LONP2: variants seen among roughly 807,000 people sequenced by gnomAD.
LONP2 encodes the protein lon peptidase 2, peroxisomal, also known as lon protease homolog 2, peroxisomal.
A neutral mutation model predicts 85.6 loss-of-function variants in LONP2; 60 were observed. The observed-to-expected ratio is 0.70, with a 90% CI of 0.57 to 0.87. LONP2 has a LOEUF of 0.87. Among genes scored for constraint, LONP2 ranks in the 40% least tolerant of loss-of-function variants. LONP2 has a pLI of 0.00. For synonymous variants in LONP2, 395 were observed against 389.7 expected (o/e 1.01, Z -0.16); for missense variants, 860 against 1,063.5 (o/e 0.81, Z 2.66).
intron 6 of LONP2, 94 bp from the exon 7 acceptor site, chr16:48,269,922 C>CA (rs1257640364): frequency 5.6e-5 from 73 of 1,307,604 alleles, no homozygotes; most frequent in Middle Eastern, 2.1e-4. Context: ...CATCTATTTT[C>CA]AAAAAAAATA....
At chr16:48,259,960 T>C (rs1288254551) in intron 4 of LONP2, among the ~76,000 whole-genome samples, 1 of 152,184 alleles carries the variant, frequency 6.6e-6, no homozygotes, top group Non-Finnish European at 1.5e-5. Context: ...ATTTAAAAAG[T>C]AGGAATTAGG....
chr16:48,285,154 G>A (rs998614686), intron 8 of LONP2, among the ~76,000 whole-genome samples: 1 of 151,508 alleles, frequency 6.6e-6, no homozygotes, highest in African/African-American at 2.4e-5. Context: ...CAGCCCTTTC[G>A]CATGTCCTCT....
chr16:48,258,798 A>C, intron 4 of LONP2, 58 bp downstream of exon 4: 1 of 1,477,928 alleles, frequency 6.8e-7, no homozygotes, highest in Non-Finnish European at 9.0e-7. Flanking sequence ...GAATAAAGAG[A>C]GGAACAAAGA....
intron 12 of LONP2, among the ~76,000 whole-genome samples, chr16:48,343,060 G>A (rs1414583464): frequency 6.6e-6 from 1 of 152,184 alleles, no homozygotes; most frequent in Non-Finnish European, 1.5e-5. Flanking sequence ...TCCAAACAGG[G>A]AGGGACGCTT....
intron 11 of LONP2, 28 bp downstream of exon 11, chr16:48,303,333 G>T (rs758576817): frequency 1.9e-6 from 3 of 1,608,076 alleles, no homozygotes; most frequent in Admixed American, 1.7e-5. Flanking sequence ...GGCATTCTCA[G>T]GCCTGGTGGC....
chr16:48,250,546 A>C (rs933633851), intron 1 of LONP2, among the ~76,000 whole-genome samples: 4 of 152,130 alleles, frequency 2.6e-5, no homozygotes, highest in African/African-American at 9.7e-5. Context: ...ACATAGCCCA[A>C]ATAATTAAAT....
intron 6 of LONP2, 130 bp from the exon 7 acceptor site, chr16:48,269,886 A>G (rs1972066300): frequency 6.4e-6 from 6 of 935,744 alleles, no homozygotes; most frequent in Admixed American, 3.0e-5. Flanking sequence ...ATCCTCATCT[A>G]GAAAGATCCA....
intron 11 of LONP2, among the ~76,000 whole-genome samples, chr16:48,315,822 AT>A (rs149899096): frequency 1.7e-4 from 24 of 141,204 alleles, no homozygotes; most frequent in South Asian, 4.5e-4. Flanking sequence ...CCTCCTTTCT[AT>A]TTTTTTTTTG....
chr16:48,330,930 T>C (rs1210150303), intron 11 of LONP2, among the ~76,000 whole-genome samples: 2 of 152,174 alleles, frequency 1.3e-5, no homozygotes, highest in Admixed American at 1.3e-4. Flanking sequence ...CTGAACCCCG[T>C]ACTACACTTG....
chr16:48,279,668 G>C (rs1316254410), intron 8 of LONP2, among the ~76,000 whole-genome samples: 1 of 152,094 alleles, frequency 6.6e-6, no homozygotes, highest in African/African-American at 2.4e-5. Context: ...TGGGGGAGGG[G>C]ATCTGGGATC....
intron 11 of LONP2, among the ~76,000 whole-genome samples, chr16:48,312,876 G>A (rs981809869): frequency 1.3e-5 from 2 of 152,162 alleles, no homozygotes; most frequent in East Asian, 1.9e-4. Flanking sequence ...GAGCTGGGCC[G>A]TGAAACTCTC....
Position 48,244,318 on chromosome 16 carries a change from C to T in LONP2, c.-71C>T, listed in dbSNP as rs1971202474. On this transcript the variant is annotated 5_prime_UTR_variant, in exon 1 of 15. Coordinates refer to ENST00000285737, the MANE Select transcript of LONP2 (RefSeq NM_031490.5). ...TGGAGGCGGGTCTGAGGTTTGGTGA[C>T]TGCGGGGCAGGCCGGGGGCAGCTGT... 4.2e-6 allele frequency: 5 copies of T among 1,204,228 alleles called. No individual in the cohort carries two copies. Among genetic ancestry groups the T allele is most frequent in the East Asian group, 3.0e-5 (1 of 32,988 alleles). 74.6% of individuals were successfully genotyped at this position (1,204,228 alleles called of 1,614,324 possible). A position where few individuals can be genotyped will look rare whatever the true frequency, so the allele number is the denominator to read the frequency against.
At chr16:48,361,898 G>A (rs750775728), downstream of LONP2, 4 of 1,614,136 alleles carry the variant, frequency 2.5e-6, no homozygotes. Flanking sequence ...TCATCACCCA[G>A]TCAACAGCAC....
At chr16:48,361,633 G>A (rs759505146), downstream of LONP2, 1 of 1,612,744 alleles carries the variant, frequency 6.2e-7, no homozygotes, top group Non-Finnish European at 8.5e-7. Context: ...TCTGCAAAAA[G>A]CTGTGCAATG....
chr16:48,294,068 C>T (rs562322347), intron 8 of LONP2, among the ~76,000 whole-genome samples: 135 of 152,282 alleles, frequency 8.9e-4, no homozygotes, highest in African/African-American at 3.1e-3. Context: ...TCCCGAGTAG[C>T]TGGAGCTACA....
chr16:48,278,317 A>G (rs1426969169), intron 8 of LONP2, among the ~76,000 whole-genome samples: 1 of 151,950 alleles, frequency 6.6e-6, no homozygotes, highest in Admixed American at 6.6e-5. Context: ...GTTGTTTTTG[A>G]CATCCGGTTT....
In LONP2 at chr16:48,252,207, G is replaced by T; in HGVS notation, c.310G>T (p.Gly104Cys). Reference sequence around the variant, plus strand: ...GCCCCACTACACTCTGTTGATTACAGGCCTATGCCGTTTCCAGATTGTACA... The same window carrying T: ...GCCCCACTACACTCTGTTGATTACATGCCTATGCCGTTTCCAGATTGTACA... ...PKPHYTLLIT[G>C]LCRFQIVQVL... Residue 104 changes from glycine to cysteine, a missense_variant, in exon 2 of 15, where the codon GGC becomes TGC. Coordinates refer to ENST00000285737, the MANE Select transcript of LONP2 (RefSeq NM_031490.5). 6.2e-7 allele frequency: 1 copy of T among 1,614,124 alleles called. No individual in the cohort carries two copies. Among genetic ancestry groups the T allele is most frequent in the Non-Finnish European group, 8.5e-7 (1 of 1,179,970 alleles).
chr16:48,358,735 C>A (rs1960465545), downstream of LONP2, among the ~76,000 whole-genome samples: 1 of 152,148 alleles, frequency 6.6e-6, no homozygotes, highest in Non-Finnish European at 1.5e-5. Context: ...ATGGGAGGAT[C>A]ACTTGAGCCC....
At chr16:48,307,386 A>G (rs1325042363) in intron 11 of LONP2, among the ~76,000 whole-genome samples, 1 of 152,210 alleles carries the variant, frequency 6.6e-6, no homozygotes. Flanking sequence ...TTTTGCCAAG[A>G]AAGACACAAA....
Sources: allele counts gnomAD v4.1 joint callset (sites outside exome capture counted in the v4.1 genomes callset), GRCh38; gene constraint gnomAD v4.1.1; transcripts MANE v1.5; gene names NCBI Gene and HGNC (gene_info 2026-07-23, HGNC 2026-07-21).